The following NFIA variants were observed in gnomAD, a reference collection of about 807,000 sequenced individuals.
NFIA encodes the protein nuclear factor I A.
A neutral mutation model predicts 62.8 loss-of-function variants in NFIA; 8 were observed. That is an observed-to-expected ratio of 0.13 (90% CI 0.07 to 0.23). NFIA has a LOEUF of 0.23. Among genes scored for constraint, NFIA ranks in the 10% least tolerant of loss-of-function variants. The pLI, the probability that NFIA is intolerant of heterozygous loss-of-function variation, is 1.00. For synonymous variants in NFIA, 235 were observed against 238.1 expected (o/e 0.99, Z 0.12); for missense variants, 410 against 642.1 (o/e 0.64, Z 3.91).
At chr1:61,141,491 G>T (rs1647531914) in intron 2 of NFIA, among the ~76,000 whole-genome samples, 1 of 152,156 alleles carries the variant, frequency 6.6e-6, no homozygotes, top group Non-Finnish European at 1.5e-5. Context: ...TAACTCGATT[G>T]TTAACAGCCC....
intron 2 of NFIA, among the ~76,000 whole-genome samples, chr1:61,133,257 G>A (rs1054301078): frequency 9.3e-5 from 14 of 151,228 alleles, no homozygotes; most frequent in African/African-American, 1.5e-4. Flanking sequence ...GAAGGGAGGC[G>A]GGAGTGGCTG....
intron 2 of NFIA, among the ~76,000 whole-genome samples, chr1:61,148,454 C>A (rs563705044): frequency 4.6e-5 from 7 of 152,190 alleles, no homozygotes; most frequent in Admixed American, 1.3e-4. Context: ...TTCTAGAAGA[C>A]GTTTTAGGAG....
At chr1:61,100,160 A>G (rs1646483572) in intron 2 of NFIA, among the ~76,000 whole-genome samples, 1 of 152,220 alleles carries the variant, frequency 6.6e-6, no homozygotes, top group African/African-American at 2.4e-5. Flanking sequence ...TCAGCTTCCT[A>G]CCTTGAAGGG....
intron 10 of NFIA, among the ~76,000 whole-genome samples, chr1:61,448,604 G>T (rs1667929379): frequency 2.0e-5 from 3 of 152,202 alleles, no homozygotes; most frequent in South Asian, 2.1e-4. Flanking sequence ...CTGAGACCTA[G>T]TGATGCTAAC....
intron 2 of NFIA, among the ~76,000 whole-genome samples, chr1:61,187,518 G>A (rs777519067): frequency 1.2e-4 from 18 of 152,104 alleles, no homozygotes; most frequent in Non-Finnish European, 2.6e-4. Context: ...TGGTGGCATG[G>A]AGATGCGCTC....
chr1:61,382,685 A>G lies in NFIA; in HGVS notation c.947-552A>G, dbSNP rs989399003. ...ACCATACTTATTTAACCAGTCCCCA[A>G]TTGTAGGGCATTTAAGATTTTTTTA... On this transcript the variant is annotated intron_variant, in intron 6 of 10. Coordinates refer to ENST00000403491, the MANE Select transcript of NFIA (RefSeq NM_001134673.4). Among the ~76,000 whole-genome samples the G allele has an allele frequency of 3.9e-5, 6 of 152,050 alleles. No individual in the cohort carries two copies. The East Asian group carries it at 7.7e-4, about 19-fold the overall frequency.
At chr1:61,285,795 A>G (rs1410050077) in intron 3 of NFIA, among the ~76,000 whole-genome samples, 1 of 152,196 alleles carries the variant, frequency 6.6e-6, no homozygotes, top group African/African-American at 2.4e-5. Flanking sequence ...CAGGCATCAT[A>G]TGGTGAATAT....
At chr1:61,314,519 C>T (rs1374340054) in intron 3 of NFIA, among the ~76,000 whole-genome samples, 2 of 152,124 alleles carry the variant, frequency 1.3e-5, no homozygotes, top group Non-Finnish European at 2.9e-5. Context: ...AATGATAATG[C>T]ACTAAATTAT....
At chr1:61,225,153 CAAAAA>C (rs575425464) in intron 2 of NFIA, among the ~76,000 whole-genome samples, 1 of 138,992 alleles carries the variant, frequency 7.2e-6, no homozygotes, top group Non-Finnish European at 1.6e-5. Context: ...TTTTAAAAAA[CAAAAA>C]AAAAAGTCTG....
chr1:61,313,960 C>T (rs1660241509), intron 3 of NFIA, among the ~76,000 whole-genome samples: 1 of 152,170 alleles, frequency 6.6e-6, no homozygotes, highest in African/African-American at 2.4e-5. Flanking sequence ...TATGTAATAG[C>T]ACCTACCTCA....
chr1:61,436,380 T>C (rs777453824), intron 10 of NFIA, among the ~76,000 whole-genome samples: 2 of 152,210 alleles, frequency 1.3e-5, no homozygotes, highest in Non-Finnish European at 1.5e-5. Flanking sequence ...GTGTTCTCGC[T>C]GTCCACAAAG....
chr1:61,390,848 C>T (rs763041882), intron 7 of NFIA, among the ~76,000 whole-genome samples: 14 of 152,098 alleles, frequency 9.2e-5, no homozygotes, highest in Non-Finnish European at 1.8e-4. Flanking sequence ...AAGGAAAGCA[C>T]TCAATAAATA....
intron 2 of NFIA, among the ~76,000 whole-genome samples, chr1:61,120,407 G>A (rs1312477715): frequency 6.6e-6 from 1 of 152,168 alleles, no homozygotes; most frequent in Non-Finnish European, 1.5e-5. Flanking sequence ...CAGATTTAAG[G>A]ATTGTTTGGA....
chr1:61,320,232 C>T (rs1054652800), intron 3 of NFIA, among the ~76,000 whole-genome samples: 2 of 152,056 alleles, frequency 1.3e-5, no homozygotes, highest in Non-Finnish European at 2.9e-5. Flanking sequence ...CATTCTGTTA[C>T]ATTTCACAAA....
At chr1:61,323,932 A>G (rs370119335) in intron 3 of NFIA, among the ~76,000 whole-genome samples, 3 of 152,188 alleles carry the variant, frequency 2.0e-5, no homozygotes, top group Admixed American at 2.0e-4. Context: ...GTGCAGAGAT[A>G]ATACATATAA....
intron 2 of NFIA, among the ~76,000 whole-genome samples, chr1:61,200,018 A>ATGTGTG (rs1376010297): frequency 1.1e-4 from 1 of 9,414 alleles, no homozygotes; most frequent in East Asian, 7.8e-3. Flanking sequence ...ATGTATATAT[A>ATGTGTG]TATATATATA....
chr1:61,140,475 C>G (rs999798298), intron 2 of NFIA, among the ~76,000 whole-genome samples: 1 of 151,816 alleles, frequency 6.6e-6, no homozygotes, highest in Non-Finnish European at 1.5e-5. Flanking sequence ...TTAGAGTAGA[C>G]CTGTATTGTT....
intron 2 of NFIA, among the ~76,000 whole-genome samples, chr1:61,264,102 A>T (rs1656953168): frequency 6.6e-6 from 1 of 152,212 alleles, no homozygotes. Context: ...ACAGTAGGTG[A>T]TAACAAATGT....
At chr1:61,189,304 C>T (rs1651442305) in intron 2 of NFIA, among the ~76,000 whole-genome samples, 1 of 152,136 alleles carries the variant, frequency 6.6e-6, no homozygotes, top group South Asian at 2.1e-4. Context: ...TTCTGTTCTG[C>T]TCTGCTTGGA....
Sources: allele counts gnomAD v4.1 joint callset (sites outside exome capture counted in the v4.1 genomes callset), GRCh38; gene constraint gnomAD v4.1.1; transcripts MANE v1.5; gene names NCBI Gene and HGNC (gene_info 2026-07-23, HGNC 2026-07-21).